ZNF813: variants seen among roughly 807,000 people sequenced by gnomAD.
The protein encoded by ZNF813 is zinc finger protein 813.
ZNF813 carries 3 observed loss-of-function variants against 7.2 expected under a neutral mutation model. The observed-to-expected ratio is 0.42, with a 90% CI of 0.19 to 1.08. ZNF813 has a LOEUF of 1.08. Ranked by LOEUF, ZNF813 falls within the 50% of genes least tolerant of loss-of-function variation. The pLI is 0.30. For synonymous variants in ZNF813, 227 were observed against 256.3 expected, an observed-to-expected ratio of 0.89 and a Z score of 1.09; for missense variants, 714 against 753.3, an observed-to-expected ratio of 0.95 and a Z score of 0.61.
At position 53,491,025 on chromosome 19, in the gene ZNF813, C is replaced by G; in HGVS notation, c.793C>G (p.His265Asp). Residue 265 changes from histidine (H) to aspartate (D), a missense_variant, in exon 4 of 4, where the codon CAC becomes GAC. Physicochemically the swap from His to Asp is moderately conservative, Grantham distance 81. Transcript: ENST00000396403. ...AAACCTAGTGTGCCATCGTAGATGT[C>G]ACACTGGGGAGAAACCTTACAGGTG... ...KRNLVCHRRC[H>D]TGEKPYRCNE... 6.2e-7 allele frequency: 1 copy of G among 1,614,156 alleles called. No homozygotes were observed. The highest frequency in any genetic ancestry group is 8.5e-7 in the Non-Finnish European group (1 of 1,180,030).
chr19:53,480,644 G>A (rs1047532254), intron 1 of ZNF813, among the ~76,000 whole-genome samples: 16 of 152,300 alleles, frequency 1.1e-4, no homozygotes, highest in African/African-American at 3.8e-4. Flanking sequence ...TGGTAAAGAT[G>A]TCAGTGACCT....
Position 53,490,886 on chromosome 19 carries a change from T to G in ZNF813, c.654T>G (p.Asn218Lys). 1 of 1,614,194 alleles carries G rather than the reference T, an allele frequency of 6.2e-7. No individual in the cohort carries two copies. The highest frequency in any genetic ancestry group is 8.5e-7 in the Non-Finnish European group (1 of 1,180,030). ...VHMREKSFQC[N>K]ESGKAFNYSS... ...TGAGAGAAAAGTCTTTCCAATGTAA[T>G]GAGAGTGGCAAAGCCTTTAATTATA... is the stretch of plus-strand genomic sequence containing the variant. Residue 218 changes from asparagine (N) to lysine (K), a missense_variant, in exon 4 of 4, where the codon AAT (asparagine) becomes AAG (lysine). Physicochemically the swap from Asn to Lys is moderately conservative, Grantham distance 94. This residue lies in a region of ZNF813 where 563 missense variants were observed against 554.2 expected (regional missense o/e 1.02). Transcript: ENST00000396403.
intron 1 of ZNF813, among the ~76,000 whole-genome samples, chr19:53,478,649 G>A (rs1396820380): frequency 6.6e-6 from 1 of 152,082 alleles, no homozygotes; most frequent in African/African-American, 2.4e-5. Flanking sequence ...GTGGTGGTGT[G>A]CACCTGTAGT....
chr19:53,483,544 C>A (rs1383537391), intron 1 of ZNF813, among the ~76,000 whole-genome samples: 2 of 152,154 alleles, frequency 1.3e-5, no homozygotes, highest in African/African-American at 4.8e-5. Flanking sequence ...CTCATCCCAC[C>A]CCAGCTCCCC....
rs62115428 is a variant in ZNF813, at chr19:53,492,585, A to C, written c.*499A>C. The C allele has an allele frequency of 0.031, 19,240 of 626,630 alleles. 410 individuals carry two copies. Among genetic ancestry groups the C allele is most frequent in the Middle Eastern group, 0.057 (185 of 3,258 alleles). The allele number at this position is 626,630 out of a possible 1,614,324, so 38.8% of individuals were successfully genotyped here. On this transcript the variant is annotated 3_prime_UTR_variant, in exon 4 of 4. Transcript: ENST00000396403. ...GGCAAAGCCTTAATGAGCAGTCAAC[A>C]CTTACTCACCATCAGGCAATCCATG... is the stretch of plus-strand genomic sequence containing the variant.
At chr19:53,480,601 G>A (rs59265565) in intron 1 of ZNF813, among the ~76,000 whole-genome samples, 19,112 of 152,110 alleles carry the variant, frequency 0.13, 1,212 homozygotes, top group Middle Eastern at 0.22. Context: ...CTTTAGTACC[G>A]AATACAGAAG....
In ZNF813 at chr19:53,495,956, G is replaced by T; in HGVS notation, c.*3870G>T. The T allele has an allele frequency of 2.8e-6, 1 of 360,810 alleles. No individual in the cohort carries two copies. The highest frequency in any genetic ancestry group is 5.4e-6 in the Non-Finnish European group (1 of 185,606). 22.4% of individuals were successfully genotyped at this position (360,810 alleles called of 1,614,324 possible). A position where few individuals can be genotyped will look rare whatever the true frequency, so the allele number is the denominator to read the frequency against. On this transcript the variant is annotated 3_prime_UTR_variant, in exon 4 of 4. Transcript: ENST00000396403. ...AAAGCAAAATCATTCCATTCCCCCA[G>T]TGGATTCAGATCAAAACTGGTAATA...
In ZNF813 at chr19:53,491,400, A is replaced by T. The variant is rs1278476652; in HGVS notation, c.1168A>T (p.Lys390Ter). Residue 390 changes from lysine (K) to a stop codon, truncating the protein, a stop_gained, in exon 4 of 4, where the codon AAG (lysine) becomes TAG (stop). Transcript: ENST00000396403. LOFTEE classifies it low-confidence loss of function (END_TRUNC). ...EKPYKCNECG[K>*]TFSQELTLKC... ...ACCTTATAAGTGTAATGAATGTGGC[A>T]AGACCTTCAGTCAGGAGTTAACCCT... 2.5e-6 allele frequency: 4 copies of T among 1,613,664 alleles called. No individual in the cohort carries two copies. In the Admixed American group the frequency reaches 6.7e-5, roughly 27 times the overall value.
chr19:53,485,851 G>A (rs1411071057), intron 2 of ZNF813, among the ~76,000 whole-genome samples: 1 of 152,014 alleles, frequency 6.6e-6, no homozygotes, highest in African/African-American at 2.4e-5. Flanking sequence ...GGAACCACAG[G>A]TGCCATGCCA....
In ZNF813 at chr19:53,490,963, A is replaced by G; in HGVS notation, c.731A>G (p.Lys244Arg). 6.2e-7 allele frequency: 1 copy of G among 1,614,194 alleles called. No individual in the cohort carries two copies. The change falls in exon 4 of 4, where the codon AAA becomes AGA. Residue 244 changes from lysine to arginine, a missense_variant. By Grantham distance (26) the Lys-to-Arg change is conservative. Coordinates refer to ENST00000396403, the MANE Select transcript of ZNF813 (RefSeq NM_001004301.4). The stretch of plus-strand genomic sequence containing the variant: ...ATCCATTTAGGAGAGAAACAATATA[A>G]ATGTGATGTATGTGGCAAGGTCTTT... ...QIIHLGEKQY[K>R]CDVCGKVFNR...
Position 53,472,607 on chromosome 19 carries a change from C to CTTTTTTTTTTTTTTTT in ZNF813, c.-74+4821_-74+4822insTTTTTTTTTTTTTTTT, listed in dbSNP as rs200658542. Among the ~76,000 whole-genome samples, 14 of 136,494 alleles carry CTTTTTTTTTTTTTTTT rather than the reference C, an allele frequency of 1.0e-4. 2 individuals are homozygous for CTTTTTTTTTTTTTTTT. Among genetic ancestry groups the CTTTTTTTTTTTTTTTT allele is most frequent in the East Asian group, 2.4e-4 (1 of 4,132 alleles). The allele number at this position is 136,494 out of a possible 152,430, so 89.5% of individuals were successfully genotyped here. On this transcript the variant is annotated intron_variant, in intron 1 of 3. Coordinates refer to ENST00000396403, the MANE Select transcript of ZNF813 (RefSeq NM_001004301.4). ...AGATGGTCTGATTATAAGTACAAGT[C>CTTTTTTTTTTTTTTTT]TTTCTTTTTTTTTTTTTTTTTTGAG... is the stretch of plus-strand genomic sequence containing the variant.
intron 1 of ZNF813, among the ~76,000 whole-genome samples, chr19:53,480,334 A>G (rs1222211715): frequency 1.3e-5 from 2 of 151,300 alleles, no homozygotes; most frequent in African/African-American, 4.9e-5. Flanking sequence ...TGTGAGCCCA[A>G]TGCATGTCTT....
rs752170180 is a variant in ZNF813 at position 53,494,653 on chromosome 19, AAAAAG to A, written c.*2584_*2588del. On this transcript the variant is annotated 3_prime_UTR_variant, in exon 4 of 4. Transcript: ENST00000396403. Reference sequence around the variant, plus strand: ...AGCGAAACTCTGTCTCAAAAAAAAAAAAAAGAAAAGAAAAGAAAAGAGACTCTATC... The same window carrying A: ...AGCGAAACTCTGTCTCAAAAAAAAAAAAAAGAAAAGAAAAGAGACTCTATC... The A allele has an allele frequency of 0.093, 8,308 of 89,498 alleles. 696 individuals carry two copies. The highest frequency in any genetic ancestry group is 0.3 in the African/African-American group (7,263 of 23,864). 5.5% of individuals were successfully genotyped at this position (89,498 alleles called of 1,614,324 possible). A position where few individuals can be genotyped will look rare whatever the true frequency, so the allele number is the denominator to read the frequency against.
chr19:53,476,062 C>G (rs1259426603), intron 1 of ZNF813, among the ~76,000 whole-genome samples: 2 of 152,140 alleles, frequency 1.3e-5, no homozygotes, highest in Non-Finnish European at 2.9e-5. Context: ...TGGAAGGGCA[C>G]AAATGGCTTG....
At chr19:53,479,126 G>T (rs2086395438) in intron 1 of ZNF813, among the ~76,000 whole-genome samples, 1 of 151,970 alleles carries the variant, frequency 6.6e-6, no homozygotes, top group Non-Finnish European at 1.5e-5. Context: ...GCAGATATGG[G>T]GTTTCACCAT....
In ZNF813 at chr19:53,483,788, C is replaced by A. The variant is rs1297133929; in HGVS notation, c.-35C>A. 1 of 1,612,572 alleles carries A rather than the reference C, an allele frequency of 6.2e-7. No homozygotes were observed. Among genetic ancestry groups the A allele is most frequent in the Non-Finnish European group, 8.5e-7 (1 of 1,179,972 alleles). ...AGACTCTTGGTATGTGAGGAAGAAA[C>A]CTGGAAGAGGAAGAGGAAAGCAAAG... On this transcript the variant is annotated 5_prime_UTR_variant, in exon 2 of 4. Transcript: ENST00000396403.
At position 53,472,607 on chromosome 19, in the gene ZNF813, C is replaced by CTTT. The variant is rs200658542; in HGVS notation, c.-74+4819_-74+4821dup. ...AGATGGTCTGATTATAAGTACAAGT[C>CTTT]TTTCTTTTTTTTTTTTTTTTTTGAG... On this transcript the variant is annotated intron_variant, in intron 1 of 3. Transcript: ENST00000396403. Among the ~76,000 whole-genome samples the CTTT allele has an allele frequency of 1.2e-4, 16 of 136,482 alleles. 1 individual carries two copies. The highest frequency in any genetic ancestry group is 2.3e-4 in the Admixed American group (3 of 12,942). The allele number at this position is 136,482 out of a possible 152,430, so 89.5% of individuals were successfully genotyped here.
Position 53,488,921 on chromosome 19 carries a change from T to TC in ZNF813, c.143-1454_143-1453insC, listed in dbSNP as rs535965647. Among the ~76,000 whole-genome samples the TC allele has an allele frequency of 5.9e-5, 9 of 152,346 alleles. No homozygotes were observed. The East Asian group carries it at 1.7e-3, about 29-fold the overall frequency. Reference sequence around the variant, plus strand: ...TTATTTGCTTGCTAGTTTTATGAGTTACAATATTTTACTAACTAATTTTTA... The same window carrying TC: ...TTATTTGCTTGCTAGTTTTATGAGTTCACAATATTTTACTAACTAATTTTTA... On this transcript the variant is annotated intron_variant, in intron 3 of 3. Coordinates refer to ENST00000396403, the MANE Select transcript of ZNF813 (RefSeq NM_001004301.4).
chr19:53,470,536 T>G lies in ZNF813; in HGVS notation c.-74+2747T>G, dbSNP rs1290954680. Among the ~76,000 whole-genome samples the G allele has an allele frequency of 2.3e-5, 3 of 129,244 alleles. No homozygotes were observed. The East Asian group carries it at 6.1e-4, about 26-fold the overall frequency. 84.8% of individuals were successfully genotyped at this position (129,244 alleles called of 152,430 possible). A position where few individuals can be genotyped will look rare whatever the true frequency, so the allele number is the denominator to read the frequency against. On this transcript the variant is annotated intron_variant, in intron 1 of 3. Transcript: ENST00000396403. ...TGAGTGGTAGTCTGCCTAGTGACAA[T>G]TGCTTCTATAGTTGATTGAATGTTC...
Sources: gnomAD v4.1 joint callset for allele counts (sites outside exome capture counted in the v4.1 genomes callset) on GRCh38, gnomAD v4.1.1 for gene constraint, gnomAD v4.1.1 regional missense constraint, MANE v1.5 for transcripts, NCBI Gene and HGNC (gene_info 2026-07-23, HGNC 2026-07-21) for gene names.